Variants in ABCB5 observed in about 807,000 individuals in gnomAD.
ABCB5 encodes the protein ATP binding cassette subfamily B member 5.
In ABCB5, 155 loss-of-function variants were observed where a neutral mutation model predicts 144.2. The observed-to-expected ratio is 1.08, with a 90% confidence interval of 0.94 to 1.23. The LOEUF is 1.23. Ranked by LOEUF, ABCB5 falls within the 50% of genes most tolerant of loss-of-function variation. The pLI, the probability that ABCB5 is intolerant of heterozygous loss-of-function variation, is 0.00. For missense variants in ABCB5, 1,830 were observed against 1,520.8 expected (o/e 1.20, Z -3.38); for synonymous variants, 610 against 528.6 (o/e 1.15, Z -2.11).
chr7:20,679,679 C>T (rs541432128), intron 14 of ABCB5, among the ~76,000 whole-genome samples: 9 of 152,062 alleles, frequency 5.9e-5, no homozygotes, highest in Admixed American at 6.6e-5. Context: ...TGTCACTAAT[C>T]ATTTGAAAAG....
intron 2 of ABCB5, among the ~76,000 whole-genome samples, chr7:20,624,799 A>G (rs1304091854): frequency 6.6e-6 from 1 of 152,316 alleles, no homozygotes; most frequent in African/African-American, 2.4e-5. Flanking sequence ...GCACGCTAGG[A>G]CTAGGAGCTA....
rs75697166 is a variant in ABCB5 at position 20,656,194 on chromosome 7, C to T, written c.1537-2312C>T. 4.4e-3 allele frequency among the ~76,000 whole-genome samples: 676 copies of T among 151,974 alleles called. 7 individuals are homozygous for T. Among genetic ancestry groups the T allele is most frequent in the African/African-American group, 0.015 (632 of 41,444 alleles). ...CGTAAACTTCAAAAATTAAAACTTA[C>T]GAAAAAATCTTTGTAACTTTGAGAG... On this transcript the variant is annotated intron_variant, in intron 13 of 27. Transcript: ENST00000404938.
intron 23 of ABCB5, among the ~76,000 whole-genome samples, chr7:20,731,369 A>AAAAAAAAAAAAAATATATATAT (rs57305244): frequency 8.1e-6 from 1 of 123,104 alleles, no homozygotes; most frequent in African/African-American, 3.3e-5. Flanking sequence ...AAAAAAAAAA[A>AAAAAAAAAAAAAATATATATAT]ATATATATAT....
intron 23 of ABCB5, among the ~76,000 whole-genome samples, chr7:20,731,283 G>A (rs376531160): frequency 6.0e-5 from 9 of 149,764 alleles, no homozygotes; most frequent in East Asian, 2.0e-4. Flanking sequence ...AACCCCGGAG[G>A]TGGAGGTTGC....
chr7:20,631,578 C>T (rs565494328), intron 4 of ABCB5, among the ~76,000 whole-genome samples: 33 of 152,174 alleles, frequency 2.2e-4, no homozygotes, highest in Non-Finnish European at 1.6e-4. Context: ...AAACTTATAA[C>T]CTTTAAACAT....
At chr7:20,742,036 C>G (rs1782578180) in intron 24 of ABCB5, among the ~76,000 whole-genome samples, 1 of 152,112 alleles carries the variant, frequency 6.6e-6, no homozygotes, top group African/African-American at 2.4e-5. Flanking sequence ...CAGAGAGAAA[C>G]TAAATGTTTA....
chr7:20,731,451 C>T (rs1217942238), intron 23 of ABCB5, among the ~76,000 whole-genome samples: 3 of 151,406 alleles, frequency 2.0e-5, no homozygotes, highest in Non-Finnish European at 4.4e-5. Flanking sequence ...CTTTAGAGCT[C>T]CCAGACCTTT....
In ABCB5 at chr7:20,646,124, G is replaced by A. The variant is rs757259210; in HGVS notation, c.967G>A (p.Gly323Arg). Residue 323 changes from glycine to arginine, a missense_variant, in exon 9 of 28, where the codon GGG becomes AGG. Gly to Arg is a moderately radical substitution (Grantham distance 125, BLOSUM62 -2). Coordinates refer to ENST00000404938, the MANE Select transcript of ABCB5 (RefSeq NM_001163941.2). ...TAATGGAGAACCTGGATATACCATC[G>A]GGACTGTTCTTGCTGTAAGTCTTGT... ...ILNGEPGYTI[G>R]TVLAVFFSVI... is the part of the protein sequence containing the mutation. The A allele has an allele frequency of 1.7e-5, 27 of 1,612,442 alleles. No individual in the cohort carries two copies. Among genetic ancestry groups the A allele is most frequent in the Non-Finnish European group, 2.0e-5 (23 of 1,179,450 alleles).
At chr7:20,646,788 T>G (rs1376515796) in intron 9 of ABCB5, among the ~76,000 whole-genome samples, 1 of 152,246 alleles carries the variant, frequency 6.6e-6, no homozygotes, top group Non-Finnish European at 1.5e-5. Context: ...GCCTTTCCAT[T>G]CTTACAGATT....
intron 14 of ABCB5, among the ~76,000 whole-genome samples, chr7:20,668,466 C>G (rs1583411724): frequency 6.6e-6 from 1 of 151,448 alleles, no homozygotes; most frequent in African/African-American, 2.4e-5. Flanking sequence ...GTCTGAGAAG[C>G]GAGGAAACCC....
rs184307444 is a variant in ABCB5, at chr7:20,718,042, C to T, written c.2422-4974C>T. Among the ~76,000 whole-genome samples the T allele has an allele frequency of 7.3e-5, 11 of 150,570 alleles. No individual in the cohort carries two copies. The East Asian group carries it at 2.2e-3, about 30-fold the overall frequency. ...TCAGCCTCCTGAGTAGCTGGGACTA[C>T]AGGCGCCCGCCACCACGCCTGGCTA... On this transcript the variant is annotated intron_variant, in intron 20 of 27. Transcript: ENST00000404938.
At chr7:20,667,866 C>T (rs1468172184) in intron 14 of ABCB5, among the ~76,000 whole-genome samples, 1 of 150,300 alleles carries the variant, frequency 6.7e-6, no homozygotes, top group Admixed American at 6.6e-5. Flanking sequence ...CGATTGCAGG[C>T]GCACGCCGCC....
chr7:20,631,973 T>G (rs934922244), intron 4 of ABCB5, 86 bp from the exon 5 acceptor site: 1 of 731,640 alleles, frequency 1.4e-6, no homozygotes, highest in Non-Finnish European at 2.1e-6. Flanking sequence ...AAGAGTGCAC[T>G]ATATTTGGTT....
chr7:20,716,464 T>C (rs567117757), intron 20 of ABCB5, among the ~76,000 whole-genome samples: 18 of 152,276 alleles, frequency 1.2e-4, no homozygotes, highest in African/African-American at 4.1e-4. Context: ...CATTTAGTAT[T>C]TTTTTAGGAG....
chr7:20,717,068 C>T (rs1781697022), intron 20 of ABCB5, among the ~76,000 whole-genome samples: 1 of 152,066 alleles, frequency 6.6e-6, no homozygotes, highest in African/African-American at 2.4e-5. Context: ...GAGATGACCC[C>T]GCACCAGGAG....
At chr7:20,680,895 C>G (rs1228374420) in intron 14 of ABCB5, among the ~76,000 whole-genome samples, 1 of 151,908 alleles carries the variant, frequency 6.6e-6, no homozygotes, top group African/African-American at 2.4e-5. Context: ...ATTTCTCTGC[C>G]CAAGGATAAG....
At chr7:20,718,005 C>G (rs1781740260) in intron 20 of ABCB5, among the ~76,000 whole-genome samples, 1 of 142,616 alleles carries the variant, frequency 7.0e-6, no homozygotes. Flanking sequence ...GAGTTAACGC[C>G]ATTCTCCTGC....
intron 23 of ABCB5, among the ~76,000 whole-genome samples, chr7:20,731,369 A>AAAATATAT (rs57305244): frequency 5.7e-5 from 7 of 123,104 alleles, no homozygotes; most frequent in African/African-American, 2.3e-4. Flanking sequence ...AAAAAAAAAA[A>AAAATATAT]ATATATATAT....
intron 19 of ABCB5, 90 bp from the exon 20 acceptor site, chr7:20,704,634 T>C (rs1245764909): frequency 8.5e-6 from 8 of 935,676 alleles, no homozygotes; most frequent in Non-Finnish European, 1.3e-5. Context: ...AGGAGGCAGG[T>C]AAATGTTTTC....
Sources: allele counts gnomAD v4.1 joint callset (sites outside exome capture counted in the v4.1 genomes callset), GRCh38; gene constraint gnomAD v4.1.1; transcripts MANE v1.5; gene names NCBI Gene and HGNC (gene_info 2026-07-23, HGNC 2026-07-21).